CNBD1: variants seen among roughly 807,000 people sequenced by gnomAD.
The protein encoded by CNBD1 is cyclic nucleotide-binding domain-containing protein 1.
In CNBD1, 71 loss-of-function variants were observed where a neutral mutation model predicts 54.4. The observed-to-expected ratio is 1.30, with a 90% CI of 1.08 to 1.59. CNBD1 has a LOEUF of 1.59. CNBD1 is among the 40% of genes most tolerant of loss of function. The pLI is 0.00. For synonymous variants in CNBD1, 182 were observed against 170.7 expected (o/e 1.07, Z -0.51); for missense variants, 659 against 518.0 (o/e 1.27, Z -2.64).
At chr8:87,351,268 C>T (rs997245470) in intron 8 of CNBD1, among the ~76,000 whole-genome samples, 2 of 152,120 alleles carry the variant, frequency 1.3e-5, no homozygotes, top group African/African-American at 4.8e-5. Flanking sequence ...GATATAGGCT[C>T]TGGAAAGTGA....
chr8:87,016,568 G>A (rs551179217), intron 4 of CNBD1, among the ~76,000 whole-genome samples: 6 of 152,096 alleles, frequency 3.9e-5, no homozygotes, highest in African/African-American at 1.2e-4. Context: ...ACCAAAGGGT[G>A]TAATGTTAAG....
chr8:87,101,393 G>T (rs116131191), intron 4 of CNBD1, among the ~76,000 whole-genome samples: 1,793 of 151,802 alleles, frequency 0.012, 40 homozygotes, highest in African/African-American at 0.041. Flanking sequence ...GAAAAAGCAG[G>T]CATTTCACAA....
At chr8:87,258,405 A>G (rs1041114045) in intron 6 of CNBD1, among the ~76,000 whole-genome samples, 1 of 150,110 alleles carries the variant, frequency 6.7e-6, no homozygotes, top group African/African-American at 2.5e-5. Context: ...AAGGCAAACA[A>G]AAATTTTTCT....
chr8:86,935,613 T>G (rs1223374951), intron 3 of CNBD1, among the ~76,000 whole-genome samples: 1 of 152,158 alleles, frequency 6.6e-6, no homozygotes, highest in Non-Finnish European at 1.5e-5. Flanking sequence ...CTGATGTAAT[T>G]TATGTCTGCC....
intron 4 of CNBD1, among the ~76,000 whole-genome samples, chr8:87,030,619 G>A (rs1383578184): frequency 1.3e-5 from 2 of 152,000 alleles, no homozygotes; most frequent in Non-Finnish European, 2.9e-5. Context: ...AATAGACAGT[G>A]TATTTTAATG....
At chr8:86,972,578 A>C (rs1319112903) in intron 4 of CNBD1, among the ~76,000 whole-genome samples, 1 of 152,228 alleles carries the variant, frequency 6.6e-6, no homozygotes, top group Non-Finnish European at 1.5e-5. Context: ...TGAAGTACTT[A>C]AATGTACAAA....
intron 5 of CNBD1, among the ~76,000 whole-genome samples, chr8:87,211,618 ATTCTCTCTCCTGCTCC>A (rs1814100186): frequency 6.6e-6 from 1 of 151,948 alleles, no homozygotes; most frequent in African/African-American, 2.4e-5. Context: ...ACCTCCCCTT[ATTCTCTCTCCTGCTCC>A]TTCTCTCTCC....
At chr8:86,921,634 A>G (rs553080141) in intron 3 of CNBD1, among the ~76,000 whole-genome samples, 1 of 152,278 alleles carries the variant, frequency 6.6e-6, no homozygotes, top group African/African-American at 2.4e-5. Flanking sequence ...GAAATGCTTT[A>G]TAAAACCATC....
intron 4 of CNBD1, among the ~76,000 whole-genome samples, chr8:87,155,958 A>G (rs1812725714): frequency 6.6e-6 from 1 of 152,116 alleles, no homozygotes; most frequent in African/African-American, 2.4e-5. Flanking sequence ...GAGCACTATT[A>G]CACTATTATC....
intron 2 of CNBD1, among the ~76,000 whole-genome samples, chr8:87,419,811 T>C (rs1807897905): frequency 6.6e-6 from 1 of 151,640 alleles, no homozygotes; most frequent in South Asian, 2.1e-4. Flanking sequence ...AACATGTCAA[T>C]CCCACACAAA....
At chr8:87,117,876 A>T (rs902295672) in intron 4 of CNBD1, among the ~76,000 whole-genome samples, 2 of 152,204 alleles carry the variant, frequency 1.3e-5, no homozygotes, top group African/African-American at 4.8e-5. Flanking sequence ...AAAAATATTT[A>T]TTGAGGACCT....
chr8:87,426,471 C>T (rs975905484), intron 2 of CNBD1, among the ~76,000 whole-genome samples: 1 of 152,114 alleles, frequency 6.6e-6, no homozygotes, highest in African/African-American at 2.4e-5. Context: ...GTTTCACAAC[C>T]ATAAAATTGA....
At chr8:87,384,813 G>A (rs1164230860), downstream of CNBD1, among the ~76,000 whole-genome samples, 2 of 152,242 alleles carry the variant, frequency 1.3e-5, no homozygotes, top group South Asian at 2.1e-4. Flanking sequence ...AAAAAAGAGA[G>A]TATAATGTTA....
chr8:87,203,845 A>G (rs1813913601), intron 4 of CNBD1, among the ~76,000 whole-genome samples: 1 of 152,216 alleles, frequency 6.6e-6, no homozygotes, highest in African/African-American at 2.4e-5. Context: ...CTATTACAAT[A>G]AAAACTCACA....
rs978774397 is a variant in CNBD1, at chr8:87,396,129, T to G, written c.214-32417T>G. On this transcript the variant is annotated intron_variant, in intron 2 of 7. Transcript: ENST00000521593. ...GATACCACTGTCTAATGAATGACTA[T>G]GTATAGAAGAGGAAATATTTGAGGA... is the stretch of plus-strand genomic sequence containing the variant. 5.9e-5 allele frequency among the ~76,000 whole-genome samples: 9 copies of G among 152,056 alleles called. No homozygotes were observed. In the East Asian group the frequency reaches 1.7e-3, roughly 30 times the overall value.
chr8:86,889,563 G>A (rs1242088378), intron 2 of CNBD1, among the ~76,000 whole-genome samples: 1 of 152,020 alleles, frequency 6.6e-6, no homozygotes, highest in African/African-American at 2.4e-5. Context: ...AACTCACAAA[G>A]GGCATTAGTT....
intron 7 of CNBD1, among the ~76,000 whole-genome samples, chr8:87,285,809 G>C (rs1457429851): frequency 6.6e-6 from 1 of 152,226 alleles, no homozygotes; most frequent in East Asian, 1.9e-4. Context: ...AGTGGAGTTT[G>C]TGGTGAGGAA....
chr8:87,042,584 C>T (rs909581723), intron 4 of CNBD1, among the ~76,000 whole-genome samples: 1 of 152,110 alleles, frequency 6.6e-6, no homozygotes, highest in African/African-American at 2.4e-5. Flanking sequence ...TAAAGAGCGA[C>T]TGGACAATCA....
intron 8 of CNBD1, among the ~76,000 whole-genome samples, chr8:87,309,846 GA>G (rs1037890461): frequency 1.3e-5 from 2 of 151,532 alleles, no homozygotes; most frequent in African/African-American, 4.8e-5. Flanking sequence ...AATCAGGCAA[GA>G]AAAAAAATAA....
Sources: gnomAD v4.1 joint callset for allele counts (sites outside exome capture counted in the v4.1 genomes callset) on GRCh38, gnomAD v4.1.1 for gene constraint, MANE v1.5 for transcripts, NCBI Gene and HGNC (gene_info 2026-07-23, HGNC 2026-07-21) for gene names.